Variants in PIK3CD observed in about 807,000 individuals in gnomAD.
The protein encoded by PIK3CD is phosphatidylinositol-4,5-bisphosphate 3-kinase catalytic subunit delta, also known as phosphatidylinositol 4,5-bisphosphate 3-kinase catalytic subunit delta isoform.
A neutral mutation model predicts 122.9 loss-of-function variants in PIK3CD; 20 were observed. The ratio of observed to expected loss-of-function variants is 0.16; its 90% CI spans 0.11 to 0.24. PIK3CD has a LOEUF of 0.24. Among genes scored for constraint, PIK3CD ranks in the 10% least tolerant of loss-of-function variants. The pLI, the probability that PIK3CD is intolerant of heterozygous loss-of-function variation, is 1.00. For synonymous variants in PIK3CD, 596 were observed against 593.4 expected, an observed-to-expected ratio of 1.00 and a Z score of -0.06; for missense variants, 787 against 1,406.3, an observed-to-expected ratio of 0.56 and a Z score of 7.04.
chr1:9,644,178 G>A, the PIK3CD span, among the ~76,000 whole-genome samples: 1 of 152,180 alleles, frequency 6.6e-6, no homozygotes, highest in Non-Finnish European at 1.5e-5. Flanking sequence ...CTTTTGGAGG[G>A]GAAGTTCTGC....
chr1:9,682,565 G>A (rs190198335), intron 1 of PIK3CD, among the ~76,000 whole-genome samples: 235 of 148,708 alleles, frequency 1.6e-3, no homozygotes, highest in African/African-American at 5.3e-3. Context: ...ATTTCGAGAC[G>A]GAGTCTCGCT....
chr1:9,707,180 C>G (rs1201540436), intron 2 of PIK3CD, among the ~76,000 whole-genome samples: 1 of 151,950 alleles, frequency 6.6e-6, no homozygotes, highest in African/African-American at 2.4e-5. Flanking sequence ...CGTTGCCTTT[C>G]TCTTGGGCAA....
intron 1 of PIK3CD, among the ~76,000 whole-genome samples, chr1:9,690,246 G>A (rs1004138361): frequency 6.6e-5 from 10 of 152,194 alleles, no homozygotes; most frequent in Non-Finnish European, 1.3e-4. Flanking sequence ...CCTCCCCGGG[G>A]GAGCGCCTTC....
Position 9,721,877 on chromosome 1 carries a change from T to C in PIK3CD, c.2055+17T>C. 2.5e-6 allele frequency: 4 copies of C among 1,612,588 alleles called. No individual in the cohort carries two copies. The highest frequency in any genetic ancestry group is 2.5e-6 in the Non-Finnish European group (3 of 1,179,610). On this transcript the variant is annotated intron_variant, in intron 16 of 23. Coordinates refer to ENST00000377346, the MANE Select transcript of PIK3CD (RefSeq NM_005026.5). ...ATGAAGCAGGTGAGGCCCAAGGCCC[T>C]GGGGGGCGGGCAGGGGGCGGCCCTG... is the stretch of plus-strand genomic sequence containing the variant.
rs142433628 is a variant in PIK3CD at position 9,708,209 on chromosome 1, A to G, written c.-32-2215A>G. Among the ~76,000 whole-genome samples the G allele has an allele frequency of 5.3e-3, 803 of 151,086 alleles. 17 individuals carry two copies. The highest frequency in any genetic ancestry group is 0.044 in the East Asian group (222 of 5,062). On this transcript the variant is annotated intron_variant, in intron 2 of 23. Coordinates refer to ENST00000377346, the MANE Select transcript of PIK3CD (RefSeq NM_005026.5). ...GTTTGTTTGTTTGTTTGTTTGAGAC[A>G]GTCTCACTCTGTCATCCAGGCTGGA...
In PIK3CD at chr1:9,718,573, G is replaced by T; in HGVS notation, c.1021-121G>T. ...TCCCTGTGCTGCACCACCTTCCTTC[G>T]TGTGGGAAGTAGAGTTCAGACCCAC... On this transcript the variant is annotated intron_variant, in intron 8 of 23. Coordinates refer to ENST00000377346, the MANE Select transcript of PIK3CD (RefSeq NM_005026.5). The surrounding 1 kb of genome is among the most constrained non-coding windows in gnomAD (Gnocchi z 7.2). 2 of 921,862 alleles carry T rather than the reference G, an allele frequency of 2.2e-6. No homozygotes were observed. The highest frequency in any genetic ancestry group is 1.4e-5 in the South Asian group (1 of 72,374). The allele number at this position is 921,862 out of a possible 1,614,324, so 57.1% of individuals were successfully genotyped here.
At position 9,719,367 on chromosome 1, in the gene PIK3CD, A is replaced by G. The variant is rs1011475274; in HGVS notation, c.1242+452A>G. On this transcript the variant is annotated intron_variant, in intron 9 of 23. Coordinates refer to ENST00000377346, the MANE Select transcript of PIK3CD (RefSeq NM_005026.5). The surrounding 1 kb of genome is among the most constrained non-coding windows in gnomAD (Gnocchi z 5.5). ...GGGCTGTCTGTTTGGGGATTTCTCA[A>G]GAAGCCAGGAGGGCCAGGCGTGGTG... Among the ~76,000 whole-genome samples the G allele has an allele frequency of 6.6e-6, 1 of 152,140 alleles. No homozygotes were observed. The highest frequency in any genetic ancestry group is 2.4e-5 in the African/African-American group (1 of 41,438).
At chr1:9,657,419 G>A (rs1200297273) in intron 1 of PIK3CD, among the ~76,000 whole-genome samples, 1 of 152,026 alleles carries the variant, frequency 6.6e-6, no homozygotes, top group African/African-American at 2.4e-5. Flanking sequence ...TATCTTTGCA[G>A]GGAAGCCGCC....
At chr1:9,657,811 C>G (rs1570065291) in intron 1 of PIK3CD, among the ~76,000 whole-genome samples, 1 of 152,116 alleles carries the variant, frequency 6.6e-6, no homozygotes, top group African/African-American at 2.4e-5. Context: ...ACAGACACTG[C>G]TCTGTTCCCA....
chr1:9,655,559 G>C (rs1317588226), intron 1 of PIK3CD, among the ~76,000 whole-genome samples: 1 of 147,854 alleles, frequency 6.8e-6, no homozygotes, highest in Non-Finnish European at 1.5e-5. Flanking sequence ...GCCTGTGAAA[G>C]TTCCCCTTCC....
At position 9,717,708 on chromosome 1, in the gene PIK3CD, A is replaced by C. The variant is rs1305819350; in HGVS notation, c.1020+82A>C. 8 of 1,259,470 alleles carry C rather than the reference A, an allele frequency of 6.4e-6. No homozygotes were observed. The highest frequency in any genetic ancestry group is 9.2e-6 in the Non-Finnish European group (8 of 872,438). The allele number at this position is 1,259,470 out of a possible 1,614,324, so 78.0% of individuals were successfully genotyped here. Reference sequence around the variant, plus strand: ...TGTATCCTGGAGGGGTAGCAGAGGAAGGAGGGGGATCACATGAAAGCCACC... The same window carrying C: ...TGTATCCTGGAGGGGTAGCAGAGGACGGAGGGGGATCACATGAAAGCCACC... On this transcript the variant is annotated intron_variant, in intron 8 of 23. Coordinates refer to ENST00000377346, the MANE Select transcript of PIK3CD (RefSeq NM_005026.5). This position sits in a 1 kb window ranked among gnomAD's most constrained non-coding sequence, Gnocchi z 5.4.
At chr1:9,679,211 G>A (rs113724637) in intron 1 of PIK3CD, among the ~76,000 whole-genome samples, 2 of 151,968 alleles carry the variant, frequency 1.3e-5, no homozygotes, top group African/African-American at 4.8e-5. Flanking sequence ...GGGATTACAG[G>A]CACGTGCCAC....
rs1445498847 is a variant in PIK3CD at position 9,673,501 on chromosome 1, TCCAC to T, written c.-137-17960_-137-17957del. On this transcript the variant is annotated intron_variant, in intron 1 of 23. Coordinates refer to ENST00000377346, the MANE Select transcript of PIK3CD (RefSeq NM_005026.5). Reference sequence around the variant, plus strand: ...ATCTCGAACTCCTGACTTCAAGTGATCCACCCACCTTGGCGTCCTAAAGTGCTGG... The same window carrying T: ...ATCTCGAACTCCTGACTTCAAGTGATCCACCTTGGCGTCCTAAAGTGCTGG... Among the ~76,000 whole-genome samples the T allele has an allele frequency of 2.0e-5, 3 of 152,178 alleles. No homozygotes were observed. The East Asian group carries it at 5.8e-4, about 29-fold the overall frequency.
chr1:9,649,355 C>T (rs1274507328), upstream of PIK3CD, among the ~76,000 whole-genome samples: 2 of 152,034 alleles, frequency 1.3e-5, no homozygotes, highest in African/African-American at 4.8e-5. Flanking sequence ...CTCAGCCTCC[C>T]GAGAATCTGG....
rs1570419894 is a variant in PIK3CD at position 9,728,442 on chromosome 1, T to C, written c.*1396T>C. ...CAGGTGATCCTAACATATCAGGCCA[T>C]GGACTCAGGACCTGCCCGGTGATGC... On this transcript the variant is annotated 3_prime_UTR_variant, in exon 24 of 24. Coordinates refer to ENST00000377346, the MANE Select transcript of PIK3CD (RefSeq NM_005026.5). 1 of 152,240 alleles carries C rather than the reference T, an allele frequency of 6.6e-6. No homozygotes were observed. Among genetic ancestry groups the C allele is most frequent in the East Asian group, 1.9e-4 (1 of 5,194 alleles). 9.4% of individuals were successfully genotyped at this position (152,240 alleles called of 1,614,324 possible). A position where few individuals can be genotyped will look rare whatever the true frequency, so the allele number is the denominator to read the frequency against.
At chr1:9,628,827 G>A in the PIK3CD span, among the ~76,000 whole-genome samples, 4 of 152,154 alleles carry the variant, frequency 2.6e-5, no homozygotes, top group Non-Finnish European at 5.9e-5. Context: ...AAGGACAGAC[G>A]AGCTGCGGTC....
chr1:9,684,231 A>G (rs1252802562), intron 1 of PIK3CD, among the ~76,000 whole-genome samples: 1 of 152,088 alleles, frequency 6.6e-6, no homozygotes, highest in African/African-American at 2.4e-5. Context: ...TTTTTGGCTG[A>G]TACTTGAAAG....
chr1:9,648,552 G>A (rs1057053481), upstream of PIK3CD, among the ~76,000 whole-genome samples: 11 of 152,234 alleles, frequency 7.2e-5, no homozygotes, highest in Non-Finnish European at 1.3e-4. Flanking sequence ...GGCCGTCAGA[G>A]TTCCTTCTGA....
At chr1:9,679,267 G>A (rs977715865) in intron 1 of PIK3CD, among the ~76,000 whole-genome samples, 2 of 151,658 alleles carry the variant, frequency 1.3e-5, no homozygotes, top group Admixed American at 1.3e-4. Flanking sequence ...GGGGTTTCAC[G>A]GTGTTGGCCA....
Sources: allele counts gnomAD v4.1 joint callset (sites outside exome capture counted in the v4.1 genomes callset), GRCh38; gene constraint gnomAD v4.1.1; non-coding constraint Gnocchi (gnomAD v3.1); transcripts MANE v1.5; gene names NCBI Gene and HGNC (gene_info 2026-07-23, HGNC 2026-07-21).